Variants in TNRC6B observed in about 807,000 individuals in gnomAD.
The protein encoded by TNRC6B is trinucleotide repeat containing adaptor 6B, also known as trinucleotide repeat-containing gene 6B protein.
TNRC6B carries 52 observed loss-of-function variants against 203.6 expected under a neutral mutation model. That is an observed-to-expected ratio of 0.26 (90% CI 0.20 to 0.32). TNRC6B has a LOEUF of 0.32. TNRC6B is among the 10% of genes least tolerant of loss of function. The pLI, the probability that TNRC6B is intolerant of heterozygous loss-of-function variation, is 1.00. For missense variants in TNRC6B, 1,923 were observed against 2,286.2 expected (o/e 0.84, Z 3.24); for synonymous variants, 838 against 845.7 (o/e 0.99, Z 0.16).
chr22:40,322,728 C>G (rs1200466759), intron 22 of TNRC6B, 126 bp from the exon 23 acceptor site: 1 of 1,134,542 alleles, frequency 8.8e-7, no homozygotes, highest in East Asian at 2.5e-5. Context: ...TTCTAAAAAG[C>G]GTTCATGGAT....
At chr22:40,165,691 G>A (rs1007303950) in intron 4 of TNRC6B, among the ~76,000 whole-genome samples, 4 of 152,134 alleles carry the variant, frequency 2.6e-5, no homozygotes, top group Admixed American at 6.5e-5. Context: ...TACAACCATG[G>A]CGTAAGGGAA....
intron 1 of TNRC6B, among the ~76,000 whole-genome samples, chr22:40,183,696 G>GTT (rs745330986): frequency 2.1e-5 from 3 of 142,988 alleles, no homozygotes; most frequent in South Asian, 2.3e-4. Context: ...TTACTAGGTT[G>GTT]TTTTTTTTTT....
At chr22:40,130,779 TA>T (rs200268757) in intron 3 of TNRC6B, among the ~76,000 whole-genome samples, 1,439 of 64,988 alleles carry the variant, frequency 0.022, 15 homozygotes, top group East Asian at 0.05. Flanking sequence ...AGACTCCGTC[TA>T]AAAAAAAAAA....
upstream of TNRC6B, among the ~76,000 whole-genome samples, chr22:40,175,189 T>C (rs917053566): frequency 6.6e-6 from 1 of 151,330 alleles, no homozygotes; most frequent in Non-Finnish European, 1.5e-5. Flanking sequence ...AAACCCTGTC[T>C]CTATTAAAAA....
rs561646715 is a variant in TNRC6B at position 40,214,134 on chromosome 22, G to GTGC, written c.6-31880_6-31878dup. ...ATATAAAAACTAGCCGGGCGTGGTG[G>GTGC]TGCGCACCTGTAGCCCCAGCTACTC... On this transcript the variant is annotated intron_variant, in intron 1 of 22. Transcript: ENST00000454349. 2.0e-3 allele frequency among the ~76,000 whole-genome samples: 305 copies of GTGC among 152,244 alleles called. 1 individual carries two copies. Among genetic ancestry groups the GTGC allele is most frequent in the African/African-American group, 7.2e-3 (298 of 41,542 alleles).
chr22:40,270,509 G>A (rs1685524918), intron 6 of TNRC6B, among the ~76,000 whole-genome samples: 1 of 151,872 alleles, frequency 6.6e-6, no homozygotes, highest in Non-Finnish European at 1.5e-5. Context: ...TATTAGAGAT[G>A]GGGTTTCTCC....
rs114723344 is a variant in TNRC6B at position 40,194,225 on chromosome 22, T to G, written c.5+16085T>G. On this transcript the variant is annotated intron_variant, in intron 1 of 22. Coordinates refer to ENST00000454349, the MANE Select transcript of TNRC6B (RefSeq NM_001162501.2). ...TGGGAATTTACATCTTGGAAGGGCT[T>G]AAGATAGCACTTCCTGGGGTAAACC... Among the ~76,000 whole-genome samples the G allele has an allele frequency of 4.5e-3, 691 of 152,292 alleles. 6 individuals carry two copies. Among genetic ancestry groups the G allele is most frequent in the African/African-American group, 0.015 (632 of 41,554 alleles).
intron 1 of TNRC6B, among the ~76,000 whole-genome samples, chr22:40,047,107 A>G (rs1291158348): frequency 6.6e-6 from 1 of 152,108 alleles, no homozygotes; most frequent in African/African-American, 2.4e-5. Context: ...ACTATGAATG[A>G]GAAAAGGGAT....
At chr22:40,317,120 C>T (rs1490235068) in intron 21 of TNRC6B, among the ~76,000 whole-genome samples, 2 of 152,196 alleles carry the variant, frequency 1.3e-5, no homozygotes, top group Non-Finnish European at 2.9e-5. Context: ...AGTGTCTTCC[C>T]TTCTCAACTA....
chr22:40,239,346 G>C (rs2069994798), intron 1 of TNRC6B, among the ~76,000 whole-genome samples: 1 of 152,222 alleles, frequency 6.6e-6, no homozygotes, highest in East Asian at 1.9e-4. Context: ...GGTAAAAGCA[G>C]CCATGCCGCA....
Position 40,330,772 on chromosome 22 carries a change from TACAA to T in TNRC6B, c.*7539_*7542del, listed in dbSNP as rs947785695. ...TTCTAGGAAGAAGCTATCCGTTGGA[TACAA>T]ACAAACAGACGGTCAGCTTTAGTCA... On this transcript the variant is annotated 3_prime_UTR_variant, in exon 23 of 23. Coordinates refer to ENST00000454349, the MANE Select transcript of TNRC6B (RefSeq NM_001162501.2). 4.6e-5 allele frequency: 7 copies of T among 152,650 alleles called. No individual in the cohort carries two copies. Among genetic ancestry groups the T allele is most frequent in the Non-Finnish European group, 1.0e-4 (7 of 68,040 alleles). The allele number at this position is 152,650 out of a possible 1,614,324, so 9.5% of individuals were successfully genotyped here. A position where few individuals can be genotyped will look rare whatever the true frequency, so the allele number is the denominator to read the frequency against.
chr22:40,097,430 C>T (rs544085245), intron 1 of TNRC6B, among the ~76,000 whole-genome samples: 12 of 152,088 alleles, frequency 7.9e-5, no homozygotes, highest in Non-Finnish European at 1.2e-4. Flanking sequence ...TTCAGCCTCC[C>T]GAGTAACTAG....
chr22:40,282,818 C>T (rs1261511987), intron 11 of TNRC6B, among the ~76,000 whole-genome samples: 1 of 151,954 alleles, frequency 6.6e-6, no homozygotes, highest in Non-Finnish European at 1.5e-5. Context: ...TTTCGATTTT[C>T]CAAATCACAG....
chr22:40,111,558 C>T (rs1181315318), intron 1 of TNRC6B, among the ~76,000 whole-genome samples: 2 of 152,168 alleles, frequency 1.3e-5, no homozygotes, highest in Non-Finnish European at 2.9e-5. Flanking sequence ...GGAATTAGAA[C>T]TGACAGTTTG....
chr22:40,121,488 C>T (rs1203781438), intron 2 of TNRC6B, among the ~76,000 whole-genome samples: 1 of 152,216 alleles, frequency 6.6e-6, no homozygotes, highest in Non-Finnish European at 1.5e-5. Flanking sequence ...TTTCCTCAGC[C>T]ATGCCTGCTT....
Position 40,334,461 on chromosome 22 carries a change from A to G in TNRC6B, c.*11220A>G, listed in dbSNP as rs893514622. ...CTGTTCCCACTCCTAACTCTCCACT[A>G]TGTGCTTATAACTTCACATTCTATG... On this transcript the variant is annotated 3_prime_UTR_variant, in exon 23 of 23. Transcript: ENST00000454349. 5 of 152,522 alleles carry G rather than the reference A, an allele frequency of 3.3e-5. No individual in the cohort carries two copies. The East Asian group carries it at 5.8e-4, about 18-fold the overall frequency. The allele number at this position is 152,522 out of a possible 1,614,324, so 9.4% of individuals were successfully genotyped here. A position where few individuals can be genotyped will look rare whatever the true frequency, so the allele number is the denominator to read the frequency against.
chr22:40,056,592 G>A (rs772338482), intron 1 of TNRC6B, among the ~76,000 whole-genome samples: 1 of 151,990 alleles, frequency 6.6e-6, no homozygotes, highest in Non-Finnish European at 1.5e-5. Flanking sequence ...CCAGGAGTTC[G>A]AGACCAGCTT....
intron 1 of TNRC6B, among the ~76,000 whole-genome samples, chr22:40,054,769 G>A (rs760118683): frequency 4.7e-4 from 71 of 152,100 alleles, no homozygotes; most frequent in Non-Finnish European, 8.8e-4. Context: ...AAAGCTTGGT[G>A]GCTCATGCAT....
At chr22:40,116,105 T>C (rs2068385179) in intron 1 of TNRC6B, among the ~76,000 whole-genome samples, 1 of 152,240 alleles carries the variant, frequency 6.6e-6, no homozygotes, top group African/African-American at 2.4e-5. Flanking sequence ...AGCACTGTGC[T>C]CTAACGTGGG....
Sources: allele counts gnomAD v4.1 joint callset (sites outside exome capture counted in the v4.1 genomes callset), GRCh38; gene constraint gnomAD v4.1.1; transcripts MANE v1.5; gene names NCBI Gene and HGNC (gene_info 2026-07-23, HGNC 2026-07-21).